XIAP: variants seen among roughly 807,000 people sequenced by gnomAD.
XIAP encodes E3 ubiquitin-protein ligase XIAP.
XIAP carries 3 observed loss-of-function variants against 33.1 expected under a neutral mutation model. The observed-to-expected ratio is 0.09, with a 90% CI of 0.04 to 0.23. XIAP has a LOEUF of 0.23. XIAP is among the 10% of genes least tolerant of loss of function. XIAP has a pLI of 1.00. For synonymous variants in XIAP, 98 were observed against 121.3 expected (o/e 0.81, Z 1.26); for missense variants, 264 against 363.0 (o/e 0.73, Z 2.22).
In XIAP at chrX:123,879,864, C is replaced by T. The variant is rs759685168; in HGVS notation, c.-32-5767C>T. On this transcript the variant is annotated intron_variant, in intron 1 of 6. Coordinates refer to ENST00000371199, the MANE Select transcript of XIAP (RefSeq NM_001167.4). ...GCTCAGTGGCTCACGCCTGTAATCC[C>T]AGCACTTTGGGAGGCCGAGGCGGGC... is the stretch of plus-strand genomic sequence containing the variant. Among the ~76,000 whole-genome samples the T allele has an allele frequency of 8.1e-5, 9 of 111,011 alleles. No individual in the cohort carries two copies. In the South Asian group the frequency reaches 3.5e-3, roughly 43 times the overall value.
chrX:123,903,620 T>G (rs1357413021), intron 6 of XIAP, among the ~76,000 whole-genome samples: 60 of 57,131 alleles, frequency 1.1e-3, no homozygotes, highest in African/African-American at 3.9e-3. Flanking sequence ...TTTGTTTCAG[T>G]TTTTTTTTTT....
At chrX:123,860,972 G>T (rs1325319864) in intron 1 of XIAP, among the ~76,000 whole-genome samples, 4 of 111,748 alleles carry the variant, frequency 3.6e-5, no homozygotes, top group Non-Finnish European at 7.5e-5. Flanking sequence ...TATGTCGCTA[G>T]TTCTGTCACA....
chrX:123,884,496 A>T lies in XIAP; in HGVS notation c.-32-1135A>T, dbSNP rs80303095. On this transcript the variant is annotated intron_variant, in intron 1 of 6. Transcript: ENST00000371199. ...AAAACTCCATCTCAAAAAAAAAAAAAATCAATTAATGCACGCATAATATAG... is the reference window on the plus strand; with the variant it reads ...AAAACTCCATCTCAAAAAAAAAAAATATCAATTAATGCACGCATAATATAG... Among the ~76,000 whole-genome samples the T allele has an allele frequency of 2.4e-4, 26 of 110,576 alleles. No individual in the cohort carries two copies. In the East Asian group the frequency reaches 6.8e-3, roughly 29 times the overall value.
At chrX:123,894,402 G>A (rs2053439470) in intron 5 of XIAP, among the ~76,000 whole-genome samples, 1 of 112,365 alleles carries the variant, frequency 8.9e-6, no homozygotes, top group Admixed American at 9.5e-5. Flanking sequence ...AAAAGTAGTA[G>A]AAAGTTTAAT....
chrX:123,880,482 A>G (rs2053290530), intron 1 of XIAP, among the ~76,000 whole-genome samples: 1 of 108,021 alleles, frequency 9.3e-6, no homozygotes, highest in Non-Finnish European at 1.9e-5. Context: ...CACACCTGTT[A>G]TCCCAGCACT....
intron 1 of XIAP, among the ~76,000 whole-genome samples, chrX:123,874,851 C>A (rs1160382677): frequency 4.9e-5 from 5 of 101,975 alleles, no homozygotes; most frequent in Non-Finnish European, 9.9e-5. Flanking sequence ...TGTGCCACCA[C>A]CCCCAGCTAA....
rs1253593990 is a variant in XIAP, at chrX:123,911,267, C to T, written c.*4086C>T. 2 of 317,925 alleles carry T rather than the reference C, an allele frequency of 6.3e-6. No individual in the cohort carries two copies. The highest frequency in any genetic ancestry group is 3.2e-5 in the Admixed American group (1 of 31,224). The allele number at this position is 317,925 out of a possible 1,213,427, so 26.2% of individuals were successfully genotyped here. On this transcript the variant is annotated 3_prime_UTR_variant, in exon 7 of 7. Transcript: ENST00000371199. ...CCGAGGCGGGCAGATCACCTGAGGT[C>T]GGGAGGTCGAGACCAGCCTGACCAA...
In XIAP at chrX:123,892,747, A is replaced by G. The variant is rs1474688160; in HGVS notation, c.1073A>G (p.Lys358Arg). The G allele has an allele frequency of 8.3e-7, 1 of 1,203,507 alleles. No homozygotes were observed. The highest frequency in any genetic ancestry group is 2.2e-5 in the Admixed American group (1 of 45,958). Residue 358 changes from lysine (K) to arginine (R), a missense_variant, in exon 5 of 7, where the codon AAA (lysine) becomes AGA (arginine). Lys to Arg is a conservative substitution (Grantham distance 26). Coordinates refer to ENST00000371199, the MANE Select transcript of XIAP (RefSeq NM_001167.4). ...LEECLVRTTE[K>R]TPSLTRRIDD... is the part of the protein sequence containing the mutation. ...CTGTTACAGGTAAGAACTACTGAGA[A>G]AACACCATCACTAACTAGAAGAATT...
chrX:123,888,088 C>T (rs2053370493), intron 2 of XIAP, among the ~76,000 whole-genome samples: 1 of 111,582 alleles, frequency 9.0e-6, no homozygotes, highest in African/African-American at 3.2e-5. Flanking sequence ...AATCCCAACA[C>T]TTTGGAAGGC....
chrX:123,873,408 A>C (rs1166781211), intron 1 of XIAP, among the ~76,000 whole-genome samples: 1 of 108,486 alleles, frequency 9.2e-6, no homozygotes, highest in Admixed American at 9.9e-5. Flanking sequence ...ACCTGGGCTC[A>C]AGCAGTCCTC....
Position 123,908,793 on chromosome X carries a change from T to C in XIAP, c.*1612T>C, listed in dbSNP as rs967676777. ...GAATAAGAATCAGTAGGGTATAAACTAGAAGTTTAAAAATGCTTCATAGAA... is the reference window on the plus strand; with the variant it reads ...GAATAAGAATCAGTAGGGTATAAACCAGAAGTTTAAAAATGCTTCATAGAA... On this transcript the variant is annotated 3_prime_UTR_variant, in exon 7 of 7. Coordinates refer to ENST00000371199, the MANE Select transcript of XIAP (RefSeq NM_001167.4). 2.8e-4 allele frequency: 99 copies of C among 347,562 alleles called. 1 individual carries two copies. The highest frequency in any genetic ancestry group is 8.9e-4 in the Middle Eastern group (1 of 1,127). 28.6% of individuals were successfully genotyped at this position (347,562 alleles called of 1,213,427 possible). A position where few individuals can be genotyped will look rare whatever the true frequency, so the allele number is the denominator to read the frequency against.
intron 1 of XIAP, chrX:123,860,563 A>G (rs2053070129): frequency 4.1e-6 from 1 of 246,202 alleles, no homozygotes; most frequent in Non-Finnish European, 7.6e-6. Flanking sequence ...GAGGCAAAGA[A>G]CTTTTTAAAA....
chrX:123,875,109 G>C (rs1446802064), intron 1 of XIAP, among the ~76,000 whole-genome samples: 1 of 103,030 alleles, frequency 9.7e-6, no homozygotes, highest in Non-Finnish European at 2.0e-5. Context: ...TGCAACCTCT[G>C]CCTCCCAGGT....
At chrX:123,891,031 T>C (rs1223906718) in intron 3 of XIAP, among the ~76,000 whole-genome samples, 1 of 111,575 alleles carries the variant, frequency 9.0e-6, no homozygotes, top group African/African-American at 3.3e-5. Flanking sequence ...TCTACTAATA[T>C]TAGCATAGGT....
rs1463880705 is a variant in XIAP at position 123,913,040 on chromosome X, C to G, written c.*5859C>G. ...AGGTGATCTGCCTGCCTCGGCCTCA[C>G]AAAGTGCTGGGATTACAGGTGTGAA... On this transcript the variant is annotated 3_prime_UTR_variant, in exon 7 of 7. Coordinates refer to ENST00000371199, the MANE Select transcript of XIAP (RefSeq NM_001167.4). The G allele has an allele frequency of 3.2e-6, 1 of 316,703 alleles. No homozygotes were observed. Among genetic ancestry groups the G allele is most frequent in the South Asian group, 2.7e-5 (1 of 36,540 alleles). The allele number at this position is 316,703 out of a possible 1,213,427, so 26.1% of individuals were successfully genotyped here.
At chrX:123,865,244 A>G (rs1222823692) in intron 1 of XIAP, among the ~76,000 whole-genome samples, 2 of 110,636 alleles carry the variant, frequency 1.8e-5, no homozygotes, top group East Asian at 5.6e-4. Flanking sequence ...GAATTTAACA[A>G]ATACTGTTTC....
rs1569479155 is a variant in XIAP, at chrX:123,899,140, A to AT, written c.1100-1353_1100-1352insT. Among the ~76,000 whole-genome samples the AT allele has an allele frequency of 2.9e-4, 18 of 61,974 alleles. 2 individuals carry two copies. In the Admixed American group the frequency reaches 2.9e-3, roughly 10 times the overall value. The allele number at this position is 61,974 out of a possible 115,157, so 53.8% of individuals were successfully genotyped here. A position where few individuals can be genotyped will look rare whatever the true frequency, so the allele number is the denominator to read the frequency against. ...GTCTCAAAAAAAAAAAAAAAAAAAA[A>AT]AAAAATATATATATATATATATATA... On this transcript the variant is annotated intron_variant, in intron 5 of 6. Transcript: ENST00000371199.
chrX:123,860,348 C>T (rs1475945360), intron 1 of XIAP, 55 bp downstream of exon 1: 1 of 324,386 alleles, frequency 3.1e-6, no homozygotes, highest in Non-Finnish European at 6.0e-6. Context: ...CTTCCCCTCT[C>T]CTCCCTCCCC....
chrX:123,883,785 C>G (rs1467280472), intron 1 of XIAP, among the ~76,000 whole-genome samples: 1 of 111,344 alleles, frequency 9.0e-6, no homozygotes, highest in African/African-American at 3.3e-5. Flanking sequence ...TGTGAACCAC[C>G]ATGCCCGGCT....
Sources: gnomAD v4.1 joint callset for allele counts (sites outside exome capture counted in the v4.1 genomes callset) on GRCh38, gnomAD v4.1.1 for gene constraint, MANE v1.5 for transcripts, NCBI Gene and HGNC (gene_info 2026-07-23, HGNC 2026-07-21) for gene names.